The following CDH13 variants were observed in gnomAD, a reference collection of about 807,000 sequenced individuals.
The protein encoded by CDH13 is cadherin 13, also known as cadherin-13.
CDH13 carries 24 observed loss-of-function variants against 63.8 expected under a neutral mutation model. The ratio of observed to expected loss-of-function variants is 0.38; its 90% CI spans 0.27 to 0.53. The LOEUF is 0.53. CDH13 is among the 20% of genes least tolerant of loss of function. The pLI, the probability that CDH13 is intolerant of heterozygous loss-of-function variation, is 0.85. For missense variants in CDH13, 1,049 were observed against 903.1 expected, an observed-to-expected ratio of 1.16 and a Z score of -2.07; for synonymous variants, 503 against 355.3, an observed-to-expected ratio of 1.42 and a Z score of -4.67.
intron 5 of CDH13, among the ~76,000 whole-genome samples, chr16:83,258,254 A>G (rs1043106919): frequency 1.3e-5 from 2 of 152,206 alleles, no homozygotes; most frequent in Non-Finnish European, 2.9e-5. Context: ...CATTTTTACC[A>G]CCAATATTTT....
intron 8 of CDH13, among the ~76,000 whole-genome samples, chr16:83,616,258 A>G (rs1339849706): frequency 3.3e-5 from 5 of 152,228 alleles, no homozygotes; most frequent in African/African-American, 9.6e-5. Flanking sequence ...TTTAAGTGAA[A>G]AAATATATAA....
At chr16:83,376,384 G>C (rs755349240) in intron 6 of CDH13, among the ~76,000 whole-genome samples, 13 of 152,178 alleles carry the variant, frequency 8.5e-5, no homozygotes, top group Non-Finnish European at 1.2e-4. Flanking sequence ...AGGACTAAGA[G>C]TGAAAGAATG....
rs148099147 is a variant in CDH13, at chr16:83,082,588, C to T, written c.367-42797C>T. On this transcript the variant is annotated intron_variant, in intron 3 of 13. Coordinates refer to ENST00000567109, the MANE Select transcript of CDH13 (RefSeq NM_001257.5). Reference sequence around the variant, plus strand: ...CCCGGGAGGCAGAGGTTGCAGTGAGCCAAGACCATCGTGCCACTGCATTCC... The same window carrying T: ...CCCGGGAGGCAGAGGTTGCAGTGAGTCAAGACCATCGTGCCACTGCATTCC... Among the ~76,000 whole-genome samples the T allele has an allele frequency of 2.8e-3, 420 of 152,252 alleles. 4 individuals carry two copies. The highest frequency in any genetic ancestry group is 4.6e-3 in the Non-Finnish European group (311 of 68,018).
At chr16:83,060,993 G>C (rs1350494788) in intron 3 of CDH13, among the ~76,000 whole-genome samples, 1 of 152,218 alleles carries the variant, frequency 6.6e-6, no homozygotes, top group Non-Finnish European at 1.5e-5. Flanking sequence ...CACTCCTGCA[G>C]AGGGCCTGGC....
chr16:82,748,630 ACT>A (rs937018026), intron 1 of CDH13, among the ~76,000 whole-genome samples: 1 of 152,172 alleles, frequency 6.6e-6, no homozygotes, highest in Non-Finnish European at 1.5e-5. Flanking sequence ...AAAACTCTAA[ACT>A]CTGTTAATAA....
chr16:83,120,576 T>C (rs2035520289), intron 3 of CDH13, among the ~76,000 whole-genome samples: 1 of 152,146 alleles, frequency 6.6e-6, no homozygotes, highest in African/African-American at 2.4e-5. Flanking sequence ...TTTACGTCTT[T>C]TTAAAGTGTT....
At chr16:82,661,132 G>T (rs1459687988) in intron 1 of CDH13, among the ~76,000 whole-genome samples, 3 of 152,148 alleles carry the variant, frequency 2.0e-5, no homozygotes, top group Non-Finnish European at 4.4e-5. Context: ...ACAGCTGTCC[G>T]TTTCCTTTGC....
intron 2 of CDH13, among the ~76,000 whole-genome samples, chr16:82,951,621 G>T (rs557826406): frequency 6.6e-6 from 1 of 152,180 alleles, no homozygotes; most frequent in Admixed American, 6.5e-5. Flanking sequence ...CTTACTGCCA[G>T]CATCTACAGG....
At chr16:83,707,836 CAAAAAAAAAA>C (rs61067563) in intron 10 of CDH13, among the ~76,000 whole-genome samples, 4 of 78,874 alleles carry the variant, frequency 5.1e-5, no homozygotes, top group African/African-American at 1.0e-4. Flanking sequence ...ACCCTAAAGG[CAAAAAAAAAA>C]AAAAAAAAAA....
intron 7 of CDH13, among the ~76,000 whole-genome samples, chr16:83,550,190 T>C (rs1329812859): frequency 6.6e-6 from 1 of 152,166 alleles, no homozygotes; most frequent in Non-Finnish European, 1.5e-5. Context: ...CAAACATTGG[T>C]GAAGCCCCAA....
At chr16:82,848,209 C>T (rs533153301) in intron 1 of CDH13, among the ~76,000 whole-genome samples, 87 of 152,274 alleles carry the variant, frequency 5.7e-4, no homozygotes, top group Non-Finnish European at 1.0e-3. Flanking sequence ...AAAATTAGTC[C>T]TGGAGTTGCA....
At chr16:82,735,085 G>T (rs72839203) in intron 1 of CDH13, among the ~76,000 whole-genome samples, 19,232 of 152,220 alleles carry the variant, frequency 0.13, 1,389 homozygotes, top group African/African-American at 0.17. Context: ...TGAAGGTAAA[G>T]CTTTCATATA....
intron 10 of CDH13, among the ~76,000 whole-genome samples, chr16:83,696,530 G>T (rs910971995): frequency 2.0e-5 from 3 of 152,146 alleles, no homozygotes; most frequent in Non-Finnish European, 4.4e-5. Flanking sequence ...GTGGGGACTT[G>T]GCAGCTGCCA....
At chr16:83,535,742 G>A (rs1051745038) in intron 7 of CDH13, among the ~76,000 whole-genome samples, 1 of 151,222 alleles carries the variant, frequency 6.6e-6, no homozygotes, top group Non-Finnish European at 1.5e-5. Flanking sequence ...TGAATATTAA[G>A]TGAGTGAATG....
At chr16:82,655,011 G>C (rs1911140888) in intron 1 of CDH13, among the ~76,000 whole-genome samples, 1 of 152,278 alleles carries the variant, frequency 6.6e-6, no homozygotes, top group East Asian at 1.9e-4. Context: ...TCATTCTCTT[G>C]GCTCTGGGGT....
At chr16:82,735,763 C>G (rs1381736076) in intron 1 of CDH13, among the ~76,000 whole-genome samples, 1 of 152,200 alleles carries the variant, frequency 6.6e-6, no homozygotes, top group Non-Finnish European at 1.5e-5. Flanking sequence ...CATTCCTTCC[C>G]AAGTTGAACA....
At chr16:83,157,065 A>G (rs1467931884) in intron 4 of CDH13, among the ~76,000 whole-genome samples, 1 of 152,220 alleles carries the variant, frequency 6.6e-6, no homozygotes, top group Non-Finnish European at 1.5e-5. Context: ...CAATGACGTC[A>G]GGCCACTGTA....
chr16:83,512,499 C>T (rs1382425659), intron 7 of CDH13, among the ~76,000 whole-genome samples: 3 of 150,704 alleles, frequency 2.0e-5, no homozygotes, highest in South Asian at 2.1e-4. Context: ...TGAAACCGAT[C>T]TCTACTAAAA....
Position 83,216,441 on chromosome 16 carries a change from T to C in CDH13, c.484-904T>C, listed in dbSNP as rs7193077. ...ATATATATATATATATATATATATA[T>C]ATACACAACCCTAATTTGAGGTTTA... On this transcript the variant is annotated intron_variant, in intron 4 of 13. Transcript: ENST00000567109. 1.2e-3 allele frequency among the ~76,000 whole-genome samples: 128 copies of C among 111,226 alleles called. 5 individuals are homozygous for C. The highest frequency in any genetic ancestry group is 3.6e-3 in the African/African-American group (110 of 30,978). 73.0% of individuals were successfully genotyped at this position (111,226 alleles called of 152,430 possible).
Sources: gnomAD v4.1 joint callset for allele counts (sites outside exome capture counted in the v4.1 genomes callset) on GRCh38, gnomAD v4.1.1 for gene constraint, MANE v1.5 for transcripts, NCBI Gene and HGNC (gene_info 2026-07-23, HGNC 2026-07-21) for gene names.